IL15: variants seen among roughly 807,000 people sequenced by gnomAD.
IL15 encodes interleukin-15.
Under a neutral mutation model 19.6 loss-of-function variants are expected in IL15, and 11 were observed. The ratio of observed to expected loss-of-function variants is 0.56; its 90% CI spans 0.35 to 0.93. The LOEUF is 0.93. Ranked by LOEUF, IL15 falls within the 40% of genes least tolerant of loss-of-function variation. The pLI is 0.01. For missense variants in IL15, 197 were observed against 186.5 expected (o/e 1.06, Z -0.33); for synonymous variants, 58 against 59.6 (o/e 0.97, Z 0.12).
intron 2 of IL15, among the ~76,000 whole-genome samples, chr4:141,668,569 C>G (rs1728067159): frequency 6.6e-6 from 1 of 152,204 alleles, no homozygotes; most frequent in African/African-American, 2.4e-5. Context: ...TTGTTGGGGA[C>G]TAAGCATGCC....
At chr4:141,683,070 A>C (rs1579015829) in intron 2 of IL15, among the ~76,000 whole-genome samples, 1 of 151,622 alleles carries the variant, frequency 6.6e-6, no homozygotes, top group Non-Finnish European at 1.5e-5. Context: ...AGTGATCAAG[A>C]CCATCCTAGC....
At chr4:141,720,639 T>C in intron 4 of IL15, 73 bp downstream of exon 4, 1 of 877,642 alleles carries the variant, frequency 1.1e-6, no homozygotes, top group Non-Finnish European at 1.9e-6. Flanking sequence ...TATTTTCCAT[T>C]AAATTAGTTT....
chr4:141,697,155 A>T (rs1453489184), intron 2 of IL15, among the ~76,000 whole-genome samples: 35 of 152,074 alleles, frequency 2.3e-4, no homozygotes, highest in Non-Finnish European at 1.5e-5. Flanking sequence ...CTTAGATTTA[A>T]GTCTTTGATC....
intron 4 of IL15, 144 bp downstream of exon 4, chr4:141,720,710 G>A (rs1182136690): frequency 3.0e-6 from 2 of 657,880 alleles, no homozygotes; most frequent in African/African-American, 3.7e-5. Context: ...GCAGACTACA[G>A]AGATTTAGAG....
chr4:141,686,281 G>GC (rs1408189263), intron 2 of IL15, among the ~76,000 whole-genome samples: 1 of 148,398 alleles, frequency 6.7e-6, no homozygotes, highest in Admixed American at 6.8e-5. Flanking sequence ...GGCAACAAGA[G>GC]CAAGAGTTCA....
chr4:141,695,588 A>T (rs1486050930), intron 2 of IL15, among the ~76,000 whole-genome samples: 1 of 152,052 alleles, frequency 6.6e-6, no homozygotes, highest in Non-Finnish European at 1.5e-5. Flanking sequence ...CTTTGGATGT[A>T]TACCCATTAG....
At chr4:141,689,134 C>CA (rs1728810870) in intron 2 of IL15, 1 of 154,956 alleles carries the variant, frequency 6.5e-6, no homozygotes, top group Admixed American at 6.5e-5. Context: ...TGCAGACCTT[C>CA]GCGGTGAGTG....
At chr4:141,726,010 C>G (rs908711363) in intron 5 of IL15, among the ~76,000 whole-genome samples, 1 of 152,026 alleles carries the variant, frequency 6.6e-6, no homozygotes, top group Non-Finnish European at 1.5e-5. Flanking sequence ...GGTCTCTCTT[C>G]CTCTTCTTAT....
chr4:141,712,683 T>C (rs1729751090), intron 2 of IL15, among the ~76,000 whole-genome samples: 2 of 149,344 alleles, frequency 1.3e-5, no homozygotes. Flanking sequence ...AATATAGTGT[T>C]TCTATATTTA....
chr4:141,666,210 C>T (rs1394409215), intron 2 of IL15, among the ~76,000 whole-genome samples: 2 of 152,090 alleles, frequency 1.3e-5, no homozygotes, highest in African/African-American at 4.8e-5. Flanking sequence ...ACGCCATTCT[C>T]CTGCCTCAGC....
In IL15 at chr4:141,656,630, G is replaced by T. The variant is rs117782265; in HGVS notation, c.-100+323G>T. On this transcript the variant is annotated intron_variant, in intron 2 of 7. Coordinates refer to ENST00000320650, the MANE Select transcript of IL15 (RefSeq NM_000585.5). ...GAAGCAATAATCGTGTAGGTGTATG[G>T]CTATGTCCCACCAGAAGTATTTACA... Among the ~76,000 whole-genome samples the T allele has an allele frequency of 2.0e-5, 3 of 152,252 alleles. No homozygotes were observed. The East Asian group carries it at 5.8e-4, about 29-fold the overall frequency.
chr4:141,719,609 G>T, intron 3 of IL15, 133 bp downstream of exon 3: 1 of 659,776 alleles, frequency 1.5e-6, no homozygotes, highest in Non-Finnish European at 2.4e-6. Flanking sequence ...GTTCACATTT[G>T]GATTGTTCTT....
intron 2 of IL15, chr4:141,718,286 A>G (rs577488025): frequency 6.6e-6 from 1 of 150,896 alleles, no homozygotes; most frequent in East Asian, 2.0e-4. Flanking sequence ...TTTTTTTTTG[A>G]AAAATGTGGA....
intron 2 of IL15, among the ~76,000 whole-genome samples, chr4:141,691,408 C>G (rs531419606): frequency 6.6e-6 from 1 of 152,164 alleles, no homozygotes. Flanking sequence ...CAACACTCCC[C>G]CAATGTGTGA....
chr4:141,679,613 G>A (rs1390707739), intron 2 of IL15, among the ~76,000 whole-genome samples: 4 of 151,896 alleles, frequency 2.6e-5, no homozygotes, highest in Non-Finnish European at 5.9e-5. Context: ...ATGCATGATT[G>A]TGCTTACTTT....
At chr4:141,689,135 G>C (rs770883387) in intron 2 of IL15, 2 of 155,012 alleles carry the variant, frequency 1.3e-5, no homozygotes, top group South Asian at 2.1e-4. Context: ...GCAGACCTTC[G>C]CGGTGAGTGT....
chr4:141,646,448 C>G (rs1253416528), intron 1 of IL15, among the ~76,000 whole-genome samples: 2 of 151,964 alleles, frequency 1.3e-5, no homozygotes, highest in Admixed American at 1.3e-4. Context: ...CAGATATCAC[C>G]CCCTTCCCCA....
chr4:141,664,662 A>G (rs899658832), intron 2 of IL15, among the ~76,000 whole-genome samples: 5 of 152,214 alleles, frequency 3.3e-5, no homozygotes, highest in African/African-American at 9.6e-5. Flanking sequence ...TATTTAAGAA[A>G]TGAGAGAATA....
chr4:141,700,614 T>C (rs527730352), intron 2 of IL15, among the ~76,000 whole-genome samples: 15 of 152,308 alleles, frequency 9.8e-5, no homozygotes, highest in African/African-American at 3.6e-4. Context: ...TGATGGTCTT[T>C]GTGCAATTAA....
Sources: allele counts gnomAD v4.1 joint callset (sites outside exome capture counted in the v4.1 genomes callset), GRCh38; gene constraint gnomAD v4.1.1; transcripts MANE v1.5; gene names NCBI Gene and HGNC (gene_info 2026-07-23, HGNC 2026-07-21).